The following CARF variants were observed in gnomAD, a reference collection of about 807,000 sequenced individuals.
CARF encodes calcium responsive transcription factor, also known as calcium-responsive transcription factor.
A neutral mutation model predicts 82.0 loss-of-function variants in CARF; 57 were observed. The observed-to-expected ratio is 0.70, with a 90% confidence interval of 0.56 to 0.87. CARF has a LOEUF of 0.87. Ranked by LOEUF, CARF falls within the 40% of genes least tolerant of loss-of-function variation. The pLI is 0.00. For missense variants in CARF, 771 were observed against 855.8 expected, an observed-to-expected ratio of 0.90 and a Z score of 1.24; for synonymous variants, 268 against 290.1, an observed-to-expected ratio of 0.92 and a Z score of 0.77.
intron 9 of CARF, among the ~76,000 whole-genome samples, chr2:202,965,363 A>G (rs1408693374): frequency 1.3e-5 from 2 of 152,130 alleles, no homozygotes; most frequent in East Asian, 1.9e-4. Context: ...TTCAGTTTTT[A>G]TAGAGTATTA....
chr2:202,959,236 T>TAA (rs10655662), intron 8 of CARF, among the ~76,000 whole-genome samples: 91,817 of 151,714 alleles, frequency 0.61, 28,625 homozygotes, highest in Middle Eastern at 0.81. Flanking sequence ...AATATTTTGA[T>TAA]AGAGTTGTCT....
At chr2:202,931,883 A>G (rs1316749862) in intron 3 of CARF, among the ~76,000 whole-genome samples, 1 of 152,234 alleles carries the variant, frequency 6.6e-6, no homozygotes, top group Non-Finnish European at 1.5e-5. Context: ...GTACTGGCAC[A>G]GGGTCTGTAT....
chr2:202,982,084 C>T lies in CARF; in HGVS notation c.1702C>T (p.Gln568Ter). Reference sequence around the variant, plus strand: ...TTTGGTTTAAAAGGGTTTGCAGTTACAACCAAGGTACACCTCTCCTGATGA... The same window carrying T: ...TTTGGTTTAAAAGGGTTTGCAGTTATAACCAAGGTACACCTCTCCTGATGA... Reference protein sequence around the residue: ...IFTQLQGLQLQPRYTSPDESP... With the variant: ...IFTQLQGLQL The change falls in exon 16 of 17, where the codon CAA becomes TAA. Residue 568 changes from glutamine (Q) to a stop codon, truncating the protein, a stop_gained. Coordinates refer to ENST00000438828, the MANE Select transcript of CARF (RefSeq NM_024744.17). LOFTEE classifies it high-confidence loss of function. The T allele has an allele frequency of 1.2e-6, 2 of 1,613,260 alleles. No individual in the cohort carries two copies. The highest frequency in any genetic ancestry group is 1.7e-6 in the Non-Finnish European group (2 of 1,179,768).
intron 5 of CARF, 144 bp from the exon 6 acceptor site, chr2:202,952,415 C>A: frequency 1.3e-6 from 1 of 778,048 alleles, no homozygotes; most frequent in Non-Finnish European, 1.9e-6. Flanking sequence ...GTTTATGTGC[C>A]TCAATGTTTT....
chr2:202,932,331 C>T (rs757014260), intron 3 of CARF, among the ~76,000 whole-genome samples: 17 of 152,110 alleles, frequency 1.1e-4, no homozygotes, highest in Non-Finnish European at 2.2e-4. Flanking sequence ...TACAGGTTAG[C>T]ACTCTGTGGC....
rs200797649 is a variant in CARF at position 202,954,080 on chromosome 2, A to C, written c.503A>C (p.Asn168Thr). Reference sequence around the variant, plus strand: ...GATACTCTAGCAGACAATACCAGCAATTACATTCTTCATCCTCAAACATCC... The same window carrying C: ...GATACTCTAGCAGACAATACCAGCACTTACATTCTTCATCCTCAAACATCC... ...RVDTLADNTS[N>T]YILHPQTSFP... Residue 168 changes from asparagine (N) to threonine (T), a missense_variant, in exon 7 of 17, where the codon AAT becomes ACT. Coordinates refer to ENST00000438828, the MANE Select transcript of CARF (RefSeq NM_024744.17). The C allele has an allele frequency of 5.0e-6, 8 of 1,613,744 alleles. No homozygotes were observed. The highest frequency in any genetic ancestry group is 6.8e-6 in the Non-Finnish European group (8 of 1,179,882).
chr2:202,953,346 C>T (rs1197688619), intron 6 of CARF, among the ~76,000 whole-genome samples: 2 of 151,910 alleles, frequency 1.3e-5, no homozygotes, highest in Non-Finnish European at 2.9e-5. Flanking sequence ...TTTTATTAGC[C>T]ATGTGACTCA....
At position 202,974,361 on chromosome 2, in the gene CARF, A is replaced by G. The variant is rs765420120; in HGVS notation, c.1359A>G (p.Lys453=). ...AATTTGTGGAAAGGGAACTGTTCAA[A>G]CCCGATGAGGTACCTGAAAGACATA... The part of the protein sequence containing the change: ...LRKFVERELF[K]PDEVPERHNL... The change falls in exon 13 of 17, where the codon AAA becomes AAG. Residue 453 remains lysine (K), a synonymous_variant. Coordinates refer to ENST00000438828, the MANE Select transcript of CARF (RefSeq NM_024744.17). The G allele has an allele frequency of 3.1e-6, 5 of 1,604,800 alleles. No homozygotes were observed. In the South Asian group the frequency reaches 5.6e-5, roughly 18 times the overall value.
intron 3 of CARF, among the ~76,000 whole-genome samples, chr2:202,938,673 T>G (rs1448562174): frequency 6.6e-6 from 1 of 151,970 alleles, no homozygotes; most frequent in Non-Finnish European, 1.5e-5. Context: ...TTTTTTTGTT[T>G]TTGGTTATTC....
rs2059009517 is a variant in CARF at position 202,955,824 on chromosome 2, G to A, written c.642+66G>A. 10 of 1,215,740 alleles carry A rather than the reference G, an allele frequency of 8.2e-6. No individual in the cohort carries two copies. In the East Asian group the frequency reaches 2.2e-4, roughly 26 times the overall value. The allele number at this position is 1,215,740 out of a possible 1,614,324, so 75.3% of individuals were successfully genotyped here. A position where few individuals can be genotyped will look rare whatever the true frequency, so the allele number is the denominator to read the frequency against. ...TTATAACCACAGGTCATCCCCAAAT[G>A]CCACTTTTGAGTACAACTAATATAG... On this transcript the variant is annotated intron_variant, in intron 8 of 16. Coordinates refer to ENST00000438828, the MANE Select transcript of CARF (RefSeq NM_024744.17).
intron 3 of CARF, among the ~76,000 whole-genome samples, chr2:202,934,987 G>A (rs541126456): frequency 1.3e-5 from 2 of 149,636 alleles, no homozygotes; most frequent in Non-Finnish European, 3.0e-5. Context: ...TGAGGTGGGA[G>A]AATCGCTTGA....
chr2:202,917,922 A>C lies in CARF; in HGVS notation c.-284A>C. On this transcript the variant is annotated 5_prime_UTR_variant, in exon 2 of 17. Transcript: ENST00000438828. ...CCCAATTAAAGCTTTCACATAAATGAAGCTACAGCTATCATGATTTAGTGC... is the reference window on the plus strand; with the variant it reads ...CCCAATTAAAGCTTTCACATAAATGCAGCTACAGCTATCATGATTTAGTGC... 2.8e-6 allele frequency: 1 copy of C among 360,100 alleles called. No homozygotes were observed. Among genetic ancestry groups the C allele is most frequent in the Non-Finnish European group, 5.4e-6 (1 of 184,690 alleles). The allele number at this position is 360,100 out of a possible 1,614,324, so 22.3% of individuals were successfully genotyped here.
chr2:202,961,231 A>G lies in CARF; in HGVS notation c.643-6A>G. 1 of 1,598,194 alleles carries G rather than the reference A, an allele frequency of 6.3e-7. No individual in the cohort carries two copies. On this transcript the variant is annotated splice_polypyrimidine_tract_variant and splice_region_variant and intron_variant, in intron 8 of 16. Transcript: ENST00000438828. ...AGTAATTTTGTTTAATTTCTACCACATGCAGAAAATTGGAGATTCATACCG... is the reference window on the plus strand; with the variant it reads ...AGTAATTTTGTTTAATTTCTACCACGTGCAGAAAATTGGAGATTCATACCG...
At chr2:202,968,540 T>G (rs768294987) in intron 10 of CARF, among the ~76,000 whole-genome samples, 4 of 149,540 alleles carry the variant, frequency 2.7e-5, no homozygotes, top group Non-Finnish European at 4.5e-5. Context: ...TTTCAGTTGC[T>G]TTTTTTTTTC....
At position 202,942,854 on chromosome 2, in the gene CARF, G is replaced by A; in HGVS notation, c.193G>A (p.Gly65Arg). 1 of 1,613,942 alleles carries A rather than the reference G, an allele frequency of 6.2e-7. No homozygotes were observed. The highest frequency in any genetic ancestry group is 8.5e-7 in the Non-Finnish European group (1 of 1,179,994). The change falls in exon 5 of 17, where the codon GGG becomes AGG. Residue 65 changes from glycine (G) to arginine (R), a missense_variant. Coordinates refer to ENST00000438828, the MANE Select transcript of CARF (RefSeq NM_024744.17). ...NNSLISQNIP[G>R]PLTQTQTLSA... ...TTCACTCATATCACAGAATATACCA[G>A]GGCCCCTGACTCAGACACAGACTCT...
At chr2:202,970,159 T>C in intron 11 of CARF, 97 bp downstream of exon 11, 1 of 1,140,072 alleles carries the variant, frequency 8.8e-7, no homozygotes. Flanking sequence ...AACTATTTCA[T>C]TAAGTAACGG....
At chr2:202,950,772 G>C (rs1356760257) in intron 5 of CARF, among the ~76,000 whole-genome samples, 1 of 152,138 alleles carries the variant, frequency 6.6e-6, no homozygotes, top group Non-Finnish European at 1.5e-5. Context: ...TAATACATCT[G>C]AAGTGCTGCC....
At chr2:202,960,712 GCCTTCCCGCCTTCCCA>G (rs1390696769) in intron 8 of CARF, among the ~76,000 whole-genome samples, 14 of 122,398 alleles carry the variant, frequency 1.1e-4, no homozygotes, top group Non-Finnish European at 2.3e-4. Context: ...CCACCTTCCC[GCCTTCCCGCCTTCCCA>G]CCTTCCCGCC....
At position 202,955,740 on chromosome 2, in the gene CARF, C is replaced by T. The variant is rs556863955; in HGVS notation, c.624C>T (p.Cys208=). The T allele has an allele frequency of 1.9e-6, 3 of 1,611,010 alleles. No homozygotes were observed. Among genetic ancestry groups the T allele is most frequent in the Admixed American group, 1.7e-5 (1 of 59,782 alleles). ...CTTCTAATACACCTATATGGGCCTG[C>T]CGTCTTAGGAGCTGTGAGGTGAGTT... is the stretch of plus-strand genomic sequence containing the variant. ...PLSSNTPIWA[C]RLRSCEKIGD... is the part of the protein sequence containing the mutation. Residue 208 remains cysteine (C), a synonymous_variant, in exon 8 of 17, where the codon TGC becomes TGT. Transcript: ENST00000438828.
Sources: gnomAD v4.1 joint callset for allele counts (sites outside exome capture counted in the v4.1 genomes callset) on GRCh38, gnomAD v4.1.1 for gene constraint, MANE v1.5 for transcripts, NCBI Gene and HGNC (gene_info 2026-07-23, HGNC 2026-07-21) for gene names.